Variants in RHCE observed in about 807,000 individuals in gnomAD.
The protein encoded by RHCE is blood group Rh(CE) polypeptide.
RHCE carries 22 observed loss-of-function variants against 43.8 expected under a neutral mutation model. The observed-to-expected ratio is 0.50, with a 90% CI of 0.36 to 0.72. The LOEUF is 0.72. Among genes scored for constraint, RHCE ranks in the 30% least tolerant of loss-of-function variants. The probability of loss-of-function intolerance (pLI) is 0.00; values close to 1 mark genes in which losing one functional copy is unlikely to be tolerated. For synonymous variants in RHCE, 156 were observed against 210.7 expected (o/e 0.74, Z 2.25); for missense variants, 385 against 525.4 (o/e 0.73, Z 2.61).
At chr1:25,387,293 C>T (rs931904330) in intron 6 of RHCE, among the ~76,000 whole-genome samples, 8 of 152,202 alleles carry the variant, frequency 5.3e-5, no homozygotes, top group African/African-American at 1.4e-4. Context: ...GGCTGTCAAC[C>T]GTTTCCTCTG....
intron 1 of RHCE, among the ~76,000 whole-genome samples, chr1:25,429,221 G>GTTTT (rs386366538): frequency 0.038 from 4,219 of 112,092 alleles, 317 homozygotes; most frequent in African/African-American, 0.13. Flanking sequence ...TTCCTGGGAA[G>GTTTT]TTTTTTTTTT....
rs1280970184 is a variant in RHCE at position 25,372,412 on chromosome 1, A to G, written c.1154-1872T>C. 7.9e-5 allele frequency among the ~76,000 whole-genome samples: 12 copies of G among 151,398 alleles called. 1 individual carries two copies. The highest frequency in any genetic ancestry group is 2.1e-4 in the South Asian group (1 of 4,830). On this transcript the variant is annotated intron_variant, in intron 8 of 9. Coordinates refer to ENST00000294413, the MANE Select transcript of RHCE (RefSeq NM_020485.8). ...TGCATGCCTGTAATCCCAGCTACTCAGGAGGCTGAGGCAGGAGAATCACTT... is the reference window on the plus strand; with the variant it reads ...TGCATGCCTGTAATCCCAGCTACTCGGGAGGCTGAGGCAGGAGAATCACTT...
At chr1:25,389,847 T>C (rs1457000880) in intron 5 of RHCE, among the ~76,000 whole-genome samples, 2 of 152,156 alleles carry the variant, frequency 1.3e-5, no homozygotes, top group African/African-American at 4.8e-5. Context: ...AGCCTTGCCT[T>C]GCTCTTATCT....
chr1:25,412,709 T>C (rs1571914488), intron 1 of RHCE, among the ~76,000 whole-genome samples: 1 of 94,330 alleles, frequency 1.1e-5, no homozygotes, highest in South Asian at 3.0e-4. Context: ...AGGGAGACCC[T>C]TTTTTTAAAA....
chr1:25,401,795 TTG>T (rs1646750978), intron 3 of RHCE, among the ~76,000 whole-genome samples: 1 of 152,250 alleles, frequency 6.6e-6, no homozygotes, highest in Non-Finnish European at 1.5e-5. Context: ...CACTGGTTTG[TTG>T]TGTTTAAACA....
At chr1:25,377,788 T>C (rs1645834127) in intron 7 of RHCE, among the ~76,000 whole-genome samples, 1 of 152,158 alleles carries the variant, frequency 6.6e-6, no homozygotes, top group Non-Finnish European at 1.5e-5. Flanking sequence ...ACCTGTAATC[T>C]AAGCTACTCA....
chr1:25,402,206 G>GTCTGTCTGTCTGTCTA (rs796249762), intron 3 of RHCE, among the ~76,000 whole-genome samples: 53 of 130,470 alleles, frequency 4.1e-4, no homozygotes, highest in South Asian at 9.9e-4. Context: ...CTGTCTGTCT[G>GTCTGTCTGTCTGTCTA]TCTATCTATC....
At chr1:25,379,615 C>T (rs1645931365) in intron 7 of RHCE, among the ~76,000 whole-genome samples, 3 of 147,614 alleles carry the variant, frequency 2.0e-5, no homozygotes, top group South Asian at 4.4e-4. Context: ...AGTAATCCTC[C>T]TGTCTCAGCC....
intron 1 of RHCE, among the ~76,000 whole-genome samples, chr1:25,417,181 T>G (rs1473974282): frequency 6.6e-6 from 1 of 151,986 alleles, no homozygotes; most frequent in African/African-American, 2.4e-5. Context: ...TTATCATACC[T>G]AACAAAATTA....
chr1:25,374,237 C>T (rs1388789167), intron 8 of RHCE, among the ~76,000 whole-genome samples: 2 of 151,678 alleles, frequency 1.3e-5, no homozygotes, highest in African/African-American at 4.9e-5. Flanking sequence ...TACAGGTGCC[C>T]ACCACCACGC....
At chr1:25,427,228 A>G (rs2042811209) in intron 2 of RHCE, among the ~76,000 whole-genome samples, 1 of 152,288 alleles carries the variant, frequency 6.6e-6, no homozygotes, top group South Asian at 2.1e-4. Flanking sequence ...CCATTTCCTT[A>G]TATGTGAAAC....
intron 7 of RHCE, among the ~76,000 whole-genome samples, chr1:25,378,502 C>T (rs1034701123): frequency 1.3e-5 from 2 of 152,180 alleles, no homozygotes; most frequent in African/African-American, 2.4e-5. Flanking sequence ...CTTAGATTCT[C>T]GATTTGTCTA....
chr1:25,420,781 G>T lies in RHCE; in HGVS notation c.6C>A (p.Ser2Arg), dbSNP rs775689094. 1 of 1,608,612 alleles carries T rather than the reference G, an allele frequency of 6.2e-7. No individual in the cohort carries two copies. The highest frequency in any genetic ancestry group is 8.5e-7 in the Non-Finnish European group (1 of 1,177,268). The part of the protein sequence containing the change: M[S>R]SKYPRSVRRC... Reference sequence around the variant, plus strand: ...GCCGGACAGACCGCGGGTACTTAGAGCTCATCCTGTGTCCGTCTCTGTGCA... The same window carrying T: ...GCCGGACAGACCGCGGGTACTTAGATCTCATCCTGTGTCCGTCTCTGTGCA... The change falls in exon 1 of 10, where the codon AGC becomes AGA. Residue 2 changes from serine (S) to arginine (R), a missense_variant. Ser to Arg is a moderately radical substitution (Grantham distance 110). Around this residue, in one of 6 missense-constraint regions of RHCE, gnomAD observed 110 missense variants for 192.1 expected, o/e 0.57. Coordinates refer to ENST00000294413, the MANE Select transcript of RHCE (RefSeq NM_020485.8).
chr1:25,401,411 G>A (rs1056918125), intron 3 of RHCE, among the ~76,000 whole-genome samples: 3 of 152,078 alleles, frequency 2.0e-5, no homozygotes, highest in East Asian at 1.9e-4. Context: ...GTGGGTTCTC[G>A]CTTGGGTTCT....
chr1:25,409,664 TCTAA>T (rs1647013381), intron 1 of RHCE, among the ~76,000 whole-genome samples: 1 of 123,808 alleles, frequency 8.1e-6, no homozygotes, highest in Admixed American at 8.7e-5. Flanking sequence ...TGTGGCACTC[TCTAA>T]CTGTGTGGTC....
At chr1:25,428,385 G>A (rs2042820750) in intron 2 of RHCE, among the ~76,000 whole-genome samples, 2 of 152,206 alleles carry the variant, frequency 1.3e-5, no homozygotes, top group Admixed American at 6.5e-5. Context: ...ATCTTCCTCA[G>A]TGAACCAATC....
chr1:25,362,644 A>G, intron 9 of RHCE, 91 bp from the exon 10 acceptor site: 2 of 773,302 alleles, frequency 2.6e-6, no homozygotes, highest in Non-Finnish European at 4.2e-6. Flanking sequence ...GTCTCATTAC[A>G]AAGACCTTAG....
intron 1 of RHCE, among the ~76,000 whole-genome samples, chr1:25,412,509 T>G (rs1349044789): frequency 6.6e-6 from 1 of 151,796 alleles, no homozygotes; most frequent in East Asian, 1.9e-4. Flanking sequence ...GCTGAGGAGT[T>G]CAAGACCAGC....
At chr1:25,370,936 T>C (rs1036528691) in intron 8 of RHCE, among the ~76,000 whole-genome samples, 6 of 147,482 alleles carry the variant, frequency 4.1e-5, no homozygotes, top group Non-Finnish European at 8.9e-5. Context: ...TTTTTTTTTT[T>C]AGTAGGATGG....
Sources: allele counts gnomAD v4.1 joint callset (sites outside exome capture counted in the v4.1 genomes callset), GRCh38; gene constraint gnomAD v4.1.1; regional missense constraint gnomAD v4.1.1; transcripts MANE v1.5; gene names NCBI Gene and HGNC (gene_info 2026-07-23, HGNC 2026-07-21).